Variants in EDIL3 observed in about 807,000 individuals in gnomAD.
The protein encoded by EDIL3 is EGF like and discoidin domains 3, also known as EGF-like repeat and discoidin I-like domain-containing protein 3.
A neutral mutation model predicts 67.4 loss-of-function variants in EDIL3; 37 were observed. That is an observed-to-expected ratio of 0.55 (90% CI 0.42 to 0.72). The LOEUF is 0.72. Ranked by LOEUF, EDIL3 falls within the 30% of genes least tolerant of loss-of-function variation. The probability of loss-of-function intolerance (pLI) is 0.00; values close to 1 mark genes in which losing one functional copy is unlikely to be tolerated. For synonymous variants in EDIL3, 195 were observed against 196.3 expected, an observed-to-expected ratio of 0.99 and a Z score of 0.05; for missense variants, 527 against 586.3, an observed-to-expected ratio of 0.90 and a Z score of 1.04.
At chr5:84,254,018 G>A (rs1478063613) in intron 2 of EDIL3, 66 bp downstream of exon 2, 3 of 1,502,814 alleles carry the variant, frequency 2.0e-6, no homozygotes, top group East Asian at 2.4e-5. Context: ...ATGCACCACA[G>A]CCAAACTGCC....
intron 4 of EDIL3, among the ~76,000 whole-genome samples, chr5:84,160,153 CAGA>C (rs1218366022): frequency 6.6e-6 from 1 of 152,128 alleles, no homozygotes; most frequent in Non-Finnish European, 1.5e-5. Flanking sequence ...GTTTTTTTGA[CAGA>C]CAACTCCAGT....
chr5:84,379,084 G>A (rs797016502), intron 1 of EDIL3, among the ~76,000 whole-genome samples: 1 of 152,090 alleles, frequency 6.6e-6, no homozygotes, highest in South Asian at 2.1e-4. Context: ...TATCCTAGGA[G>A]AACTCTGACA....
intron 9 of EDIL3, among the ~76,000 whole-genome samples, chr5:84,035,342 T>G (rs1349624496): frequency 2.0e-5 from 3 of 152,136 alleles, no homozygotes; most frequent in Non-Finnish European, 2.9e-5. Context: ...CAATTCTTAT[T>G]GCACAAACTT....
At chr5:84,207,197 G>A (rs1418809387) in intron 3 of EDIL3, among the ~76,000 whole-genome samples, 1 of 152,190 alleles carries the variant, frequency 6.6e-6, no homozygotes, top group Admixed American at 6.5e-5. Flanking sequence ...CTTCAGCAAA[G>A]TCTCAGAATA....
chr5:84,114,283 G>C (rs539416862), intron 5 of EDIL3, among the ~76,000 whole-genome samples: 11 of 151,630 alleles, frequency 7.3e-5, no homozygotes. Context: ...GGGATGGAGT[G>C]AAGATGAGAA....
chr5:84,044,322 C>T (rs1580296371), intron 9 of EDIL3, among the ~76,000 whole-genome samples: 1 of 152,020 alleles, frequency 6.6e-6, no homozygotes, highest in Non-Finnish European at 1.5e-5. Flanking sequence ...TGTTAATATG[C>T]ATGTGAGAAA....
chr5:83,968,991 T>C (rs1024932974), intron 9 of EDIL3, among the ~76,000 whole-genome samples: 5 of 151,892 alleles, frequency 3.3e-5, no homozygotes, highest in Non-Finnish European at 7.4e-5. Context: ...AATGCTTTCC[T>C]TCCCAATTCA....
At chr5:84,036,651 A>T (rs1746027589) in intron 9 of EDIL3, among the ~76,000 whole-genome samples, 1 of 152,186 alleles carries the variant, frequency 6.6e-6, no homozygotes, top group African/African-American at 2.4e-5. Context: ...TATAGAGGTG[A>T]TTCAACAAGT....
intron 1 of EDIL3, among the ~76,000 whole-genome samples, chr5:84,373,152 A>G (rs305642): frequency 0.011 from 1,631 of 152,204 alleles, 35 homozygotes; most frequent in African/African-American, 0.038. Flanking sequence ...CCTTAGTATA[A>G]GTACTCCTGA....
At chr5:84,053,104 C>T (rs554873726) in intron 9 of EDIL3, among the ~76,000 whole-genome samples, 1 of 152,336 alleles carries the variant, frequency 6.6e-6, no homozygotes, top group South Asian at 2.1e-4. Context: ...TTATAACAAA[C>T]TGTCTCTCAG....
At chr5:84,152,393 T>C (rs1748411864) in intron 4 of EDIL3, among the ~76,000 whole-genome samples, 1 of 152,190 alleles carries the variant, frequency 6.6e-6, no homozygotes, top group Non-Finnish European at 1.5e-5. Context: ...ACAATTTCCA[T>C]GGTATCCAAT....
intron 1 of EDIL3, among the ~76,000 whole-genome samples, chr5:84,363,383 G>T (rs1285061875): frequency 6.6e-6 from 1 of 151,176 alleles, no homozygotes; most frequent in Non-Finnish European, 1.5e-5. Context: ...TCGGGAAGTG[G>T]AGGTTGCAGT....
intron 9 of EDIL3, among the ~76,000 whole-genome samples, chr5:84,034,201 C>T (rs1745976676): frequency 6.6e-6 from 1 of 152,168 alleles, no homozygotes; most frequent in South Asian, 2.1e-4. Context: ...ATTGCAGGTG[C>T]ATAATTACAC....
chr5:84,203,151 A>G (rs1743881753), intron 3 of EDIL3, among the ~76,000 whole-genome samples: 1 of 152,182 alleles, frequency 6.6e-6, no homozygotes. Context: ...AAAACTAACT[A>G]GATTTATCAT....
intron 4 of EDIL3, among the ~76,000 whole-genome samples, chr5:84,171,816 T>C (rs1748816593): frequency 1.3e-5 from 2 of 152,330 alleles, no homozygotes; most frequent in Non-Finnish European, 2.9e-5. Context: ...CTAATGCCTA[T>C]GCCATACTCC....
chr5:84,370,111 T>C (rs1243106747), intron 1 of EDIL3, among the ~76,000 whole-genome samples: 1 of 152,244 alleles, frequency 6.6e-6, no homozygotes, highest in Non-Finnish European at 1.5e-5. Flanking sequence ...TAGAAAGATA[T>C]GTCTATTTTA....
chr5:84,370,574 C>G (rs1365219827), intron 1 of EDIL3, among the ~76,000 whole-genome samples: 2 of 152,232 alleles, frequency 1.3e-5, no homozygotes, highest in Admixed American at 1.3e-4. Flanking sequence ...CCTGTCAAAC[C>G]TGGATAATAA....
intron 1 of EDIL3, among the ~76,000 whole-genome samples, chr5:84,354,832 A>T (rs1443073225): frequency 6.7e-6 from 1 of 148,458 alleles, no homozygotes; most frequent in Non-Finnish European, 1.5e-5. Context: ...TCCTTATAAG[A>T]ATTTCCTTAT....
intron 4 of EDIL3, among the ~76,000 whole-genome samples, chr5:84,147,712 T>C (rs1309769522): frequency 1.3e-5 from 2 of 151,816 alleles, no homozygotes; most frequent in African/African-American, 4.8e-5. Context: ...TTTTTTTTCT[T>C]CAATGACCTT....
Sources: gnomAD v4.1 joint callset for allele counts (sites outside exome capture counted in the v4.1 genomes callset) on GRCh38, gnomAD v4.1.1 for gene constraint, MANE v1.5 for transcripts, NCBI Gene and HGNC (gene_info 2026-07-23, HGNC 2026-07-21) for gene names.